Variants in ERG observed in about 807,000 individuals in gnomAD.
ERG encodes ETS transcription factor ERG.
ERG carries 9 observed loss-of-function variants against 55.3 expected under a neutral mutation model. The observed-to-expected ratio is 0.16, with a 90% CI of 0.10 to 0.28. The LOEUF (loss-of-function observed/expected upper bound fraction) is 0.28. Among genes scored for constraint, ERG ranks in the 10% least tolerant of loss-of-function variants. The pLI is 1.00. For synonymous variants in ERG, 223 were observed against 237.3 expected (o/e 0.94, Z 0.55); for missense variants, 434 against 631.6 (o/e 0.69, Z 3.35).
intron 3 of ERG, among the ~76,000 whole-genome samples, chr21:38,413,213 C>G (rs1281116400): frequency 6.6e-6 from 1 of 152,176 alleles, no homozygotes; most frequent in East Asian, 1.9e-4. Context: ...ATTTTAGTCC[C>G]TAAGGAGTTC....
intron 2 of ERG, among the ~76,000 whole-genome samples, chr21:38,529,271 AGAG>A (rs1199813112): frequency 2.0e-5 from 3 of 152,188 alleles, no homozygotes; most frequent in Non-Finnish European, 4.4e-5. Context: ...TAGGAAGCCA[AGAG>A]GAGAGGCAGG....
At chr21:38,424,019 C>T (rs1989681751) in intron 2 of ERG, among the ~76,000 whole-genome samples, 1 of 151,978 alleles carries the variant, frequency 6.6e-6, no homozygotes. Context: ...GAAAACAGGC[C>T]TTGCCTTCTG....
intron 1 of ERG, among the ~76,000 whole-genome samples, chr21:38,647,595 T>C (rs1231732441): frequency 6.6e-6 from 1 of 152,102 alleles, no homozygotes; most frequent in East Asian, 1.9e-4. Flanking sequence ...AGGTTGGTCA[T>C]GAAAAAAAAG....
intron 2 of ERG, among the ~76,000 whole-genome samples, chr21:38,426,999 C>A (rs921730531): frequency 1.3e-5 from 2 of 151,650 alleles, no homozygotes; most frequent in African/African-American, 4.8e-5. Context: ...ACCCCTTTTT[C>A]ATTTTCTTTT....
chr21:38,431,941 T>C lies in ERG; in HGVS notation c.237-8380A>G, dbSNP rs75118343. Among the ~76,000 whole-genome samples, 677 of 152,260 alleles carry C rather than the reference T, an allele frequency of 4.4e-3. 3 individuals carry two copies. Among genetic ancestry groups the C allele is most frequent in the African/African-American group, 0.016 (648 of 41,548 alleles). On this transcript the variant is annotated intron_variant, in intron 2 of 9. Coordinates refer to ENST00000288319, the MANE Select transcript of ERG (RefSeq NM_182918.4). ...GAGACGGCATGTCCCCAGCCTCTCCTCCTTACTGGCTGCCATTGGAAAGAT... is the reference window on the plus strand; with the variant it reads ...GAGACGGCATGTCCCCAGCCTCTCCCCCTTACTGGCTGCCATTGGAAAGAT...
chr21:38,392,091 A>C (rs1987996716), intron 7 of ERG, among the ~76,000 whole-genome samples: 1 of 152,218 alleles, frequency 6.6e-6, no homozygotes, highest in South Asian at 2.1e-4. Flanking sequence ...AAGATTCAGG[A>C]AAACACCGAT....
At chr21:38,569,568 T>C (rs1201572410) in intron 2 of ERG, among the ~76,000 whole-genome samples, 1 of 152,302 alleles carries the variant, frequency 6.6e-6, no homozygotes, top group East Asian at 1.9e-4. Context: ...TTGTTGCAAA[T>C]AGTACACACA....
chr21:38,414,092 G>A (rs1053230100), intron 3 of ERG, among the ~76,000 whole-genome samples: 4 of 152,136 alleles, frequency 2.6e-5, no homozygotes, highest in Non-Finnish European at 4.4e-5. Flanking sequence ...TGCTCCATCC[G>A]AGACTGTGGA....
intron 5 of ERG, among the ~76,000 whole-genome samples, chr21:38,401,663 T>G (rs1166504214): frequency 6.6e-6 from 1 of 152,202 alleles, no homozygotes; most frequent in Non-Finnish European, 1.5e-5. Context: ...TTTCTGGCAC[T>G]TCCCGTCTCC....
chr21:38,452,498 ATACT>A (rs930409372), intron 1 of ERG, among the ~76,000 whole-genome samples: 4 of 152,254 alleles, frequency 2.6e-5, no homozygotes, highest in African/African-American at 9.6e-5. Context: ...TACTAAATAC[ATACT>A]AAGATAATAA....
At chr21:38,576,296 G>A (rs1481102811) in intron 1 of ERG, among the ~76,000 whole-genome samples, 3 of 152,156 alleles carry the variant, frequency 2.0e-5, no homozygotes, top group Non-Finnish European at 2.9e-5. Flanking sequence ...ACGACTCTGA[G>A]AGCTGTCATT....
At chr21:38,574,480 CA>C (rs1449161033) in intron 2 of ERG, among the ~76,000 whole-genome samples, 1 of 152,214 alleles carries the variant, frequency 6.6e-6, no homozygotes, top group Non-Finnish European at 1.5e-5. Flanking sequence ...AGTGAAGGAG[CA>C]CCCACAAAGC....
chr21:38,397,898 T>C (rs1277612500), intron 6 of ERG, among the ~76,000 whole-genome samples: 1 of 151,962 alleles, frequency 6.6e-6, no homozygotes, highest in African/African-American at 2.4e-5. Context: ...CTAAGTAGAG[T>C]TGTTACCTAG....
At chr21:38,404,933 T>C (rs1432946176) in intron 3 of ERG, among the ~76,000 whole-genome samples, 1 of 152,154 alleles carries the variant, frequency 6.6e-6, no homozygotes, top group African/African-American at 2.4e-5. Flanking sequence ...TAAACCGTAA[T>C]AATAGTGAGA....
chr21:38,547,220 T>C (rs979558358), intron 2 of ERG, among the ~76,000 whole-genome samples: 4 of 152,208 alleles, frequency 2.6e-5, no homozygotes, highest in African/African-American at 9.7e-5. Context: ...TGATCTCAAA[T>C]GTCGTGATTT....
chr21:38,382,196 G>C lies in ERG; in HGVS notation c.*1207C>G. The stretch of plus-strand genomic sequence containing the variant: ...TTTGGCTGGCCGAGATCAACTCGTA[G>C]TGTATAAATGCATAAGTTATATAAT... On this transcript the variant is annotated 3_prime_UTR_variant, in exon 10 of 10. Coordinates refer to ENST00000288319, the MANE Select transcript of ERG (RefSeq NM_182918.4). 1 of 1,049,414 alleles carries C rather than the reference G, an allele frequency of 9.5e-7. No individual in the cohort carries two copies. Among genetic ancestry groups the C allele is most frequent in the Non-Finnish European group, 1.2e-6 (1 of 868,764 alleles). 65.0% of individuals were successfully genotyped at this position (1,049,414 alleles called of 1,614,324 possible). A position where few individuals can be genotyped will look rare whatever the true frequency, so the allele number is the denominator to read the frequency against.
chr21:38,641,082 A>G (rs1335278043), intron 1 of ERG, among the ~76,000 whole-genome samples: 1 of 152,216 alleles, frequency 6.6e-6, no homozygotes, highest in East Asian at 1.9e-4. Flanking sequence ...GAAAAGGCAT[A>G]AAATCCAGTT....
chr21:38,656,609 T>C (rs1272154697), intron 1 of ERG, among the ~76,000 whole-genome samples: 2 of 152,136 alleles, frequency 1.3e-5, no homozygotes, highest in African/African-American at 2.4e-5. Flanking sequence ...CAAGAATGCA[T>C]AGCCACTCTT....
intron 1 of ERG, among the ~76,000 whole-genome samples, chr21:38,578,898 C>T (rs970554502): frequency 1.3e-5 from 2 of 152,122 alleles, no homozygotes. Context: ...CCGAGATCTT[C>T]GTTAAAATTT....
Sources: gnomAD v4.1 joint callset for allele counts (sites outside exome capture counted in the v4.1 genomes callset) on GRCh38, gnomAD v4.1.1 for gene constraint, MANE v1.5 for transcripts, NCBI Gene and HGNC (gene_info 2026-07-23, HGNC 2026-07-21) for gene names.